ANKRD53: variants seen among roughly 807,000 people sequenced by gnomAD.
The protein encoded by ANKRD53 is ankyrin repeat domain 53, also known as ankyrin repeat domain-containing protein 53.
In ANKRD53, 27 loss-of-function variants were observed where a neutral mutation model predicts 30.1. The ratio of observed to expected loss-of-function variants is 0.90; its 90% CI spans 0.66 to 1.24. The LOEUF is 1.24. Among genes scored for constraint, ANKRD53 ranks in the 50% most tolerant of loss-of-function variants. The probability of loss-of-function intolerance (pLI) is 0.00; values close to 1 mark genes in which losing one functional copy is unlikely to be tolerated. For missense variants in ANKRD53, 682 were observed against 721.0 expected (o/e 0.95, Z 0.62); for synonymous variants, 286 against 295.4 (o/e 0.97, Z 0.33).
Position 70,985,043 on chromosome 2 carries a change from C to A in ANKRD53, c.1336C>A (p.Pro446Thr). ...CACAGTGGACGGCCACTGGGTGGCG[C>A]CCGTGCCGCGGCTGCCTTTTGAGGT... ...LHTVDGHWVA[P>T]VPRLPFEVLL... is the part of the protein sequence containing the mutation. The change falls in exon 6 of 6, where the codon CCC (proline) becomes ACC (threonine). Residue 446 changes from proline to threonine, a missense_variant. Pro to Thr is a conservative substitution (Grantham distance 38). Transcript: ENST00000360589. 6.5e-7 allele frequency: 1 copy of A among 1,549,812 alleles called. No individual in the cohort carries two copies. Among genetic ancestry groups the A allele is most frequent in the Non-Finnish European group, 8.7e-7 (1 of 1,146,936 alleles).
In ANKRD53 at chr2:70,979,129, G is replaced by C; in HGVS notation, c.203G>C (p.Ser68Thr). 1 of 1,606,568 alleles carries C rather than the reference G, an allele frequency of 6.2e-7. No homozygotes were observed. Among genetic ancestry groups the C allele is most frequent in the Non-Finnish European group, 8.5e-7 (1 of 1,178,260 alleles). ...CTGCCCGACCTCGCAGACCACCTCA[G>C]TGCGCAGGCGACTGCCCTCGCCAGG... ...QPLPDLADHL[S>T]AQATALARPR... The change falls in exon 2 of 6, where the codon AGT becomes ACT. Residue 68 changes from serine (S) to threonine (T), a missense_variant. Coordinates refer to ENST00000360589, the MANE Select transcript of ANKRD53 (RefSeq NM_001115116.2).
At chr2:70,983,655 A>G (rs1035032431) in intron 5 of ANKRD53, among the ~76,000 whole-genome samples, 8 of 152,160 alleles carry the variant, frequency 5.3e-5, no homozygotes, top group African/African-American at 1.9e-4. Context: ...CACACTGTCC[A>G]GAGGAGGCAA....
Position 70,985,006 on chromosome 2 carries a change from T to A in ANKRD53, c.1299T>A (p.Gly433=). ...AGGTGAGGCCTGATGGGCACGGCGG[T>A]GCGCGGCTGCACACAGTGGACGGCC... ...FLEVRPDGHG[G]ARLHTVDGHW... is the part of the protein sequence containing the mutation. Residue 433 remains glycine (G), a synonymous_variant, in exon 6 of 6, where the codon GGT becomes GGA. Transcript: ENST00000360589. 1.3e-6 allele frequency: 2 copies of A among 1,549,002 alleles called. No homozygotes were observed. The highest frequency in any genetic ancestry group is 1.2e-5 in the South Asian group (1 of 83,932).
rs1669946225 is a variant in ANKRD53, at chr2:70,979,706, T to G, written c.463T>G (p.Cys155Gly). 1 of 1,614,238 alleles carries G rather than the reference T, an allele frequency of 6.2e-7. No homozygotes were observed. The highest frequency in any genetic ancestry group is 8.5e-7 in the Non-Finnish European group (1 of 1,180,032). ...HFAAQWGKLA[C>G]LQVLVEEYKF... ...CGCCGCCCAATGGGGCAAGCTTGCA[T>G]GCCTGCAGGTCCTGGTAGAGGAGTA... Residue 155 changes from cysteine to glycine, a missense_variant, in exon 3 of 6, where the codon TGC becomes GGC. Coordinates refer to ENST00000360589, the MANE Select transcript of ANKRD53 (RefSeq NM_001115116.2).
chr2:70,982,620 G>A lies in ANKRD53; in HGVS notation c.826G>A (p.Ala276Thr). ...GTGGAAAAAGGACAAGAAGGACTTT[G>A]CCCGTGAGATGACGAAAATGAAGAT... ...AMWKKDKKDFAREMTKMKMFK... is the reference protein window; with the variant it reads ...AMWKKDKKDFTREMTKMKMFK... The change falls in exon 5 of 6, where the codon GCC (alanine) becomes ACC (threonine). Residue 276 changes from alanine to threonine, a missense_variant. Transcript: ENST00000360589. The surrounding 1 kb of genome is among the most constrained non-coding windows in gnomAD (Gnocchi z 4.2). 6.2e-7 allele frequency: 1 copy of A among 1,614,150 alleles called. No homozygotes were observed. The highest frequency in any genetic ancestry group is 8.5e-7 in the Non-Finnish European group (1 of 1,180,024).
At chr2:70,978,511 A>C, upstream of ANKRD53, 1 of 1,080,666 alleles carries the variant, frequency 9.3e-7, no homozygotes, top group South Asian at 2.0e-5. This position sits in a 1 kb window ranked among gnomAD's most constrained non-coding sequence, Gnocchi z 4.3. Context: ...CTCCAGCTAG[A>C]GAGGCAGCCG....
Position 70,979,684 on chromosome 2 carries a change from CGCCCAATGGGGCA to C in ANKRD53, c.442_454del (p.Ala148SerfsTer9). The C allele has an allele frequency of 6.2e-7, 1 of 1,613,918 alleles. No individual in the cohort carries two copies. Among genetic ancestry groups the C allele is most frequent in the Non-Finnish European group, 8.5e-7 (1 of 1,179,910 alleles). On this transcript the variant is annotated frameshift_variant, in exon 3 of 6. Coordinates refer to ENST00000360589, the MANE Select transcript of ANKRD53 (RefSeq NM_001115116.2). LOFTEE classifies it high-confidence loss of function. ...AGGGCTTCACTGCCATCCACTTCGC[CGCCCAATGGGGCA>C]AGCTTGCATGCCTGCAGGTCCTGGT...
chr2:70,980,651 AT>A (rs1345305380), intron 3 of ANKRD53, among the ~76,000 whole-genome samples: 6 of 152,100 alleles, frequency 3.9e-5, no homozygotes, highest in African/African-American at 1.4e-4. Flanking sequence ...AAAATAAAAA[AT>A]AAAAAAAATT....
rs549084992 is a variant in ANKRD53, at chr2:70,978,875, C to T, written c.170+60C>T. 19 of 1,521,174 alleles carry T rather than the reference C, an allele frequency of 1.2e-5. No individual in the cohort carries two copies. In the Admixed American group the frequency reaches 2.2e-4, roughly 18 times the overall value. 94.2% of individuals were successfully genotyped at this position (1,521,174 alleles called of 1,614,324 possible). A position where few individuals can be genotyped will look rare whatever the true frequency, so the allele number is the denominator to read the frequency against. On this transcript the variant is annotated intron_variant, in intron 1 of 5. Coordinates refer to ENST00000360589, the MANE Select transcript of ANKRD53 (RefSeq NM_001115116.2). This position sits in a 1 kb window ranked among gnomAD's most constrained non-coding sequence, Gnocchi z 4.3. ...AGCGAGAACCCGGCCCAGCGCCTCC[C>T]TGGTGGGCAGGGCCTGGAGCGGGCG...
At chr2:70,981,809 A>G in intron 3 of ANKRD53, 127 bp from the exon 4 acceptor site, 1 of 1,039,050 alleles carries the variant, frequency 9.6e-7, no homozygotes, top group Non-Finnish European at 1.3e-6. Context: ...GGACAGACAT[A>G]GCTAGGATCA....
In ANKRD53 at chr2:70,985,334, C is replaced by G; in HGVS notation, c.*34C>G. On this transcript the variant is annotated 3_prime_UTR_variant, in exon 6 of 6. Transcript: ENST00000360589. ...TGGCTACCTCTCCCCCTGAGGCAGC[C>G]CAGTGAAGGCTGAAGTGTGGCAATT... 6.5e-7 allele frequency: 1 copy of G among 1,527,196 alleles called. No individual in the cohort carries two copies. Among genetic ancestry groups the G allele is most frequent in the Non-Finnish European group, 8.8e-7 (1 of 1,131,956 alleles). 94.6% of individuals were successfully genotyped at this position (1,527,196 alleles called of 1,614,324 possible). A position where few individuals can be genotyped will look rare whatever the true frequency, so the allele number is the denominator to read the frequency against.
At chr2:70,981,204 T>G (rs948547840) in intron 3 of ANKRD53, among the ~76,000 whole-genome samples, 1 of 152,246 alleles carries the variant, frequency 6.6e-6, no homozygotes, top group Non-Finnish European at 1.5e-5. Flanking sequence ...GTATCAAGTA[T>G]GCACTATGTG....
rs782014746 is a variant in ANKRD53, at chr2:70,985,323, CCT to C, written c.*24_*25del. 1.6e-5 allele frequency: 24 copies of C among 1,536,266 alleles called. No individual in the cohort carries two copies. Among genetic ancestry groups the C allele is most frequent in the African/African-American group, 6.9e-5 (5 of 72,746 alleles). On this transcript the variant is annotated 3_prime_UTR_variant, in exon 6 of 6. Transcript: ENST00000360589. ...TAAAGTTATTATGGCTACCTCTCCC[CCT>C]GAGGCAGCCCAGTGAAGGCTGAAGT...
Position 70,978,826 on chromosome 2 carries a change from G to A in ANKRD53, c.170+11G>A. ...GTCCAAGCAGCCCAGGTGGGTAGCG[G>A]GAGAAGGTGTCCCGGCTGCAGGGAG... On this transcript the variant is annotated intron_variant, in intron 1 of 5. Coordinates refer to ENST00000360589, the MANE Select transcript of ANKRD53 (RefSeq NM_001115116.2). This position sits in a 1 kb window ranked among gnomAD's most constrained non-coding sequence, Gnocchi z 4.3. 1.3e-6 allele frequency: 2 copies of A among 1,555,552 alleles called. No individual in the cohort carries two copies. The highest frequency in any genetic ancestry group is 1.4e-5 in the African/African-American group (1 of 72,860).
Position 70,982,753 on chromosome 2 carries a change from AG to A in ANKRD53, c.903+61del, listed in dbSNP as rs1337070730. 1.3e-6 allele frequency: 2 copies of A among 1,595,816 alleles called. No homozygotes were observed. Among genetic ancestry groups the A allele is most frequent in the Non-Finnish European group, 1.7e-6 (2 of 1,169,642 alleles). ...AGCTGCTATCCAGGCATGTGAGCAG[AG>A]GGGGCAGTGACCCACATATTGTGGA... On this transcript the variant is annotated intron_variant, in intron 5 of 5. Transcript: ENST00000360589. The surrounding 1 kb of genome is among the most constrained non-coding windows in gnomAD (Gnocchi z 4.2).
In ANKRD53 at chr2:70,979,269, G is replaced by T; in HGVS notation, c.343G>T (p.Ala115Ser). ...CGGGAGCTACTACCAGCTGTTCGCA[G>T]CGGCTGTGGGCAACGTGGAATGGCT... ...AIGSYYQLFA[A>S]AVGNVEWLRF... Residue 115 changes from alanine (A) to serine (S), a missense_variant, in exon 2 of 6, where the codon GCG becomes TCG. Physicochemically the swap from Ala to Ser is moderately conservative, Grantham distance 99. Transcript: ENST00000360589. 3 of 1,613,776 alleles carry T rather than the reference G, an allele frequency of 1.9e-6. No homozygotes were observed. The South Asian group carries it at 3.3e-5, about 18-fold the overall frequency.
intron 1 of ANKRD53, 55 bp from the exon 2 acceptor site, chr2:70,979,042 C>T: frequency 1.3e-6 from 2 of 1,505,310 alleles, no homozygotes; most frequent in Non-Finnish European, 1.8e-6. Context: ...GATCGCCTCC[C>T]GAGAGGTGCC....
intron 3 of ANKRD53, 49 bp from the exon 4 acceptor site, chr2:70,981,887 C>T: frequency 6.7e-7 from 1 of 1,493,960 alleles, no homozygotes. Context: ...GACAGATGCT[C>T]TTTGTCTTTC....
chr2:70,979,199 C>G lies in ANKRD53; in HGVS notation c.273C>G (p.Ser91Arg), dbSNP rs113778540. 5.0e-6 allele frequency: 8 copies of G among 1,613,130 alleles called. No homozygotes were observed. In the African/African-American group the frequency reaches 5.3e-5, roughly 11 times the overall value. Reference protein sequence around the residue: ...ASLTPPRADPSPSKESDQTAI... With the variant: ...ASLTPPRADPRPSKESDQTAI... ...TCACCCCGCCCCGCGCTGACCCCAG[C>G]CCCAGCAAGGAGTCCGACCAGACGG... The change falls in exon 2 of 6, where the codon AGC becomes AGG. Residue 91 changes from serine (S) to arginine (R), a missense_variant. Coordinates refer to ENST00000360589, the MANE Select transcript of ANKRD53 (RefSeq NM_001115116.2).
Sources: allele counts gnomAD v4.1 joint callset (sites outside exome capture counted in the v4.1 genomes callset), GRCh38; gene constraint gnomAD v4.1.1; non-coding constraint Gnocchi (gnomAD v3.1); transcripts MANE v1.5; gene names NCBI Gene and HGNC (gene_info 2026-07-23, HGNC 2026-07-21).